The following MACROD2 variants were observed in gnomAD, a reference collection of about 807,000 sequenced individuals.
MACROD2 encodes ADP-ribose glycohydrolase MACROD2.
In MACROD2, 36 loss-of-function variants were observed where a neutral mutation model predicts 70.4. That is an observed-to-expected ratio of 0.51 (90% CI 0.39 to 0.68). The LOEUF is 0.68. MACROD2 is among the 30% of genes least tolerant of loss of function. MACROD2 has a pLI of 0.00. For synonymous variants in MACROD2, 172 were observed against 178.8 expected (o/e 0.96, Z 0.30); for missense variants, 496 against 538.4 (o/e 0.92, Z 0.78).
intron 3 of MACROD2, among the ~76,000 whole-genome samples, chr20:14,389,033 A>G (rs1479100246): frequency 6.6e-6 from 1 of 151,724 alleles, no homozygotes; most frequent in African/African-American, 2.4e-5. Context: ...ACCCTCCACC[A>G]TACCCAGCTA....
chr20:14,231,756 A>C lies in MACROD2; in HGVS notation c.271+146028A>C, dbSNP rs571472700. 6.4e-4 allele frequency among the ~76,000 whole-genome samples: 98 copies of C among 152,346 alleles called. 1 individual carries two copies. In the South Asian group the frequency reaches 0.017, roughly 26 times the overall value. ...GTTGAACTAGTTTACAGTCCCATCA[A>C]CAGTGTAAAAGTGTTCCTGTTTCTC... On this transcript the variant is annotated intron_variant, in intron 3 of 17. Coordinates refer to ENST00000684519, the MANE Select transcript of MACROD2 (RefSeq NM_001351661.2).
At chr20:14,456,230 C>T (rs553388058) in intron 3 of MACROD2, among the ~76,000 whole-genome samples, 1 of 151,994 alleles carries the variant, frequency 6.6e-6, no homozygotes, top group East Asian at 1.9e-4. Flanking sequence ...CATTCTTAAT[C>T]TTTCAGTAAT....
intron 3 of MACROD2, among the ~76,000 whole-genome samples, chr20:14,147,979 A>G (rs1314115143): frequency 6.6e-6 from 1 of 152,178 alleles, no homozygotes; most frequent in Non-Finnish European, 1.5e-5. Context: ...AGATCTTTTG[A>G]GTCTTAATAA....
In MACROD2 at chr20:14,823,981, C is replaced by T. The variant is rs1280877802; in HGVS notation, c.418+139022C>T. 2.6e-5 allele frequency among the ~76,000 whole-genome samples: 4 copies of T among 151,964 alleles called. 1 individual carries two copies. Among genetic ancestry groups the T allele is most frequent in the Non-Finnish European group, 5.9e-5 (4 of 67,986 alleles). On this transcript the variant is annotated intron_variant, in intron 5 of 17. Transcript: ENST00000684519. ...TAAGTAAAGCTAGTTAGGAACTTGC[C>T]ATATTGGCAGTTCATTTTGAGGATA...
At chr20:14,496,631 G>T (rs570719066) in intron 4 of MACROD2, among the ~76,000 whole-genome samples, 1 of 152,126 alleles carries the variant, frequency 6.6e-6, no homozygotes. Context: ...ATTGTAGTGA[G>T]CATAGGTGAT....
At chr20:15,013,448 G>A (rs2075098272) in intron 5 of MACROD2, among the ~76,000 whole-genome samples, 1 of 152,148 alleles carries the variant, frequency 6.6e-6, no homozygotes, top group Non-Finnish European at 1.5e-5. Flanking sequence ...CAGCAGCTGG[G>A]AGTGAGGCTG....
chr20:14,502,396 G>A (rs2084924385), intron 4 of MACROD2, among the ~76,000 whole-genome samples: 1 of 152,146 alleles, frequency 6.6e-6, no homozygotes. Context: ...CCTGTCACAG[G>A]CACTGTGGGT....
chr20:15,038,187 A>G (rs2075328739), intron 5 of MACROD2, among the ~76,000 whole-genome samples: 2 of 152,256 alleles, frequency 1.3e-5, no homozygotes, highest in African/African-American at 4.8e-5. Flanking sequence ...TAGTTCTTTT[A>G]CATCGTTTCT....
intron 3 of MACROD2, among the ~76,000 whole-genome samples, chr20:14,128,825 G>A (rs1399331123): frequency 6.6e-6 from 1 of 152,154 alleles, no homozygotes; most frequent in East Asian, 1.9e-4. Context: ...TGTTCTATAA[G>A]CAGAATCACA....
chr20:15,196,399 A>G (rs1446764699), intron 5 of MACROD2, among the ~76,000 whole-genome samples: 1 of 152,180 alleles, frequency 6.6e-6, no homozygotes, highest in Non-Finnish European at 1.5e-5. Context: ...AGTCTTAAGG[A>G]GCATTTGAGG....
intron 8 of MACROD2, among the ~76,000 whole-genome samples, chr20:15,539,483 A>G (rs1030606652): frequency 2.0e-5 from 3 of 152,192 alleles, no homozygotes; most frequent in African/African-American, 7.2e-5. Context: ...CTATTCCAGC[A>G]ATTGCTTCTT....
intron 3 of MACROD2, among the ~76,000 whole-genome samples, chr20:14,367,053 G>A (rs896801418): frequency 6.6e-6 from 1 of 151,498 alleles, no homozygotes; most frequent in African/African-American, 2.4e-5. Flanking sequence ...ATTTTCTTTT[G>A]TGTATATTTT....
At chr20:15,861,136 T>C (rs887795725) in intron 8 of MACROD2, among the ~76,000 whole-genome samples, 5 of 152,172 alleles carry the variant, frequency 3.3e-5, no homozygotes, top group South Asian at 2.1e-4. Context: ...AGCCTCCCAA[T>C]TAATTATTTA....
At chr20:14,688,844 G>T (rs1359088297) in intron 5 of MACROD2, among the ~76,000 whole-genome samples, 1 of 152,148 alleles carries the variant, frequency 6.6e-6, no homozygotes, top group Admixed American at 6.5e-5. Context: ...CTGAATTAAT[G>T]TGAATAAATG....
chr20:14,949,557 C>T (rs1173312849), intron 5 of MACROD2, among the ~76,000 whole-genome samples: 1 of 152,118 alleles, frequency 6.6e-6, no homozygotes, highest in African/African-American at 2.4e-5. Context: ...AAACATCAAG[C>T]TAACAGTTAA....
rs946780513 is a variant in MACROD2 at position 14,932,492 on chromosome 20, A to G, written c.418+247533A>G. Among the ~76,000 whole-genome samples the G allele has an allele frequency of 2.0e-5, 3 of 152,164 alleles. No homozygotes were observed. In the East Asian group the frequency reaches 5.8e-4, roughly 29 times the overall value. On this transcript the variant is annotated intron_variant, in intron 5 of 17. Coordinates refer to ENST00000684519, the MANE Select transcript of MACROD2 (RefSeq NM_001351661.2). ...CTTTCTTCTTTGAGCATGAGAGTCC[A>G]TACAAACACTTCCATTTCATGTATA...
intron 6 of MACROD2, among the ~76,000 whole-genome samples, chr20:15,375,503 A>G (rs2146268284): frequency 6.6e-6 from 1 of 152,288 alleles, no homozygotes; most frequent in South Asian, 2.1e-4. Context: ...GTATGCCAAG[A>G]TTCACCCATT....
chr20:14,319,161 T>G (rs2082637690), intron 3 of MACROD2, among the ~76,000 whole-genome samples: 1 of 152,230 alleles, frequency 6.6e-6, no homozygotes, highest in South Asian at 2.1e-4. Flanking sequence ...CCTCTTCATC[T>G]CTGGGACATT....
At chr20:15,223,830 C>G (rs967316493) in intron 5 of MACROD2, among the ~76,000 whole-genome samples, 3 of 152,116 alleles carry the variant, frequency 2.0e-5, no homozygotes, top group African/African-American at 7.2e-5. Flanking sequence ...GTCCTTCCAT[C>G]TGAAAAAATA....
Sources: gnomAD v4.1 joint callset for allele counts (sites outside exome capture counted in the v4.1 genomes callset) on GRCh38, gnomAD v4.1.1 for gene constraint, MANE v1.5 for transcripts, NCBI Gene and HGNC (gene_info 2026-07-23, HGNC 2026-07-21) for gene names.